CAMK2D: variants seen among roughly 807,000 people sequenced by gnomAD.
The protein encoded by CAMK2D is calcium/calmodulin-dependent protein kinase type II subunit delta.
A neutral mutation model predicts 84.0 loss-of-function variants in CAMK2D; 37 were observed. The observed-to-expected ratio is 0.44, with a 90% CI of 0.34 to 0.58. The LOEUF (loss-of-function observed/expected upper bound fraction) is 0.58, where lower values mean the gene tolerates loss of function less well. Among genes scored for constraint, CAMK2D ranks in the 20% least tolerant of loss-of-function variants. The pLI is 0.02. For synonymous variants in CAMK2D, 202 were observed against 212.5 expected (o/e 0.95, Z 0.43); for missense variants, 448 against 652.5 (o/e 0.69, Z 3.41).
intron 3 of CAMK2D, among the ~76,000 whole-genome samples, chr4:113,661,212 C>CA (rs2099230337): frequency 6.6e-6 from 1 of 152,028 alleles, no homozygotes; most frequent in Non-Finnish European, 1.5e-5. Context: ...TATAACTTTT[C>CA]AAAAAATTGT....
chr4:113,474,431 C>A (rs185123558), intron 16 of CAMK2D, among the ~76,000 whole-genome samples: 27 of 148,032 alleles, frequency 1.8e-4, no homozygotes, highest in Admixed American at 4.1e-4. Context: ...AAAATTCAGA[C>A]GTGGAAAAGA....
chr4:113,634,446 G>C (rs1031255472), intron 3 of CAMK2D, among the ~76,000 whole-genome samples: 2 of 152,098 alleles, frequency 1.3e-5, no homozygotes, highest in African/African-American at 4.8e-5. Flanking sequence ...TATTTCTTTG[G>C]TAGGGAGAGA....
In CAMK2D at chr4:113,548,053, C is replaced by G. The variant is rs535147690; in HGVS notation, c.342-337G>C. On this transcript the variant is annotated intron_variant, in intron 5 of 20. Transcript: ENST00000511664. Reference sequence around the variant, plus strand: ...TCTTTATAGCTGTGGTGTTCCGCCTCCACCCCGTCACATAAATTGTTTCCC... The same window carrying G: ...TCTTTATAGCTGTGGTGTTCCGCCTGCACCCCGTCACATAAATTGTTTCCC... Among the ~76,000 whole-genome samples the G allele has an allele frequency of 2.0e-5, 3 of 152,282 alleles. No homozygotes were observed. In the East Asian group the frequency reaches 5.8e-4, roughly 29 times the overall value.
At chr4:113,521,229 T>G (rs2098354413) in intron 8 of CAMK2D, among the ~76,000 whole-genome samples, 1 of 152,224 alleles carries the variant, frequency 6.6e-6, no homozygotes, top group Non-Finnish European at 1.5e-5. Flanking sequence ...GGACTTCTGT[T>G]GAATTTTGAT....
At chr4:113,530,753 CTTGA>C (rs1472871457) in intron 8 of CAMK2D, among the ~76,000 whole-genome samples, 6 of 152,114 alleles carry the variant, frequency 3.9e-5, no homozygotes, top group African/African-American at 1.4e-4. Flanking sequence ...CTCCTGGCAC[CTTGA>C]TTTTGAATTT....
intron 3 of CAMK2D, among the ~76,000 whole-genome samples, chr4:113,626,719 A>G (rs957390961): frequency 2.6e-5 from 4 of 152,194 alleles, no homozygotes; most frequent in Non-Finnish European, 5.9e-5. Context: ...GCAGGCAAAT[A>G]GAAGGGTTCA....
intron 16 of CAMK2D, among the ~76,000 whole-genome samples, chr4:113,468,927 GC>G (rs1469489055): frequency 6.6e-6 from 1 of 152,194 alleles, no homozygotes; most frequent in Non-Finnish European, 1.5e-5. Context: ...AAGTGCTCAA[GC>G]CTATACTCAT....
chr4:113,728,018 T>C (rs1465356782), intron 2 of CAMK2D, among the ~76,000 whole-genome samples: 1 of 152,122 alleles, frequency 6.6e-6, no homozygotes, highest in Non-Finnish European at 1.5e-5. Flanking sequence ...TACCAAATGC[T>C]GGTATGATAT....
chr4:113,601,490 A>G (rs1410472076), intron 4 of CAMK2D, among the ~76,000 whole-genome samples: 1 of 151,962 alleles, frequency 6.6e-6, no homozygotes, highest in Non-Finnish European at 1.5e-5. Context: ...TTTTTCCCAC[A>G]TGAGACATAC....
chr4:113,625,853 T>C (rs1314773064), intron 3 of CAMK2D, among the ~76,000 whole-genome samples: 2 of 151,380 alleles, frequency 1.3e-5, no homozygotes, highest in Non-Finnish European at 1.5e-5. Context: ...GAAGCAAAGG[T>C]AGAAACACAG....
At chr4:113,527,852 G>T (rs555174578) in intron 8 of CAMK2D, among the ~76,000 whole-genome samples, 7 of 152,150 alleles carry the variant, frequency 4.6e-5, no homozygotes, top group Admixed American at 4.6e-4. Context: ...ATTAAATAGA[G>T]CTAACTCACC....
intron 2 of CAMK2D, among the ~76,000 whole-genome samples, chr4:113,757,313 T>C (rs2099630647): frequency 6.6e-6 from 1 of 152,148 alleles, no homozygotes; most frequent in Admixed American, 6.5e-5. Context: ...TGCTGTTCTA[T>C]GCTATGTTAA....
At chr4:113,697,441 A>T (rs1489989400) in intron 2 of CAMK2D, among the ~76,000 whole-genome samples, 1 of 152,108 alleles carries the variant, frequency 6.6e-6, no homozygotes, top group Non-Finnish European at 1.5e-5. Flanking sequence ...CAGGAGTTTG[A>T]ATTTGAATGT....
At chr4:113,589,109 G>C (rs975755419) in intron 4 of CAMK2D, among the ~76,000 whole-genome samples, 5 of 152,162 alleles carry the variant, frequency 3.3e-5, no homozygotes, top group Non-Finnish European at 7.4e-5. Context: ...CTGTGAGGTA[G>C]GCAGTGTGGC....
chr4:113,462,290 GTGTGTC>G (rs1366507230), intron 17 of CAMK2D, among the ~76,000 whole-genome samples: 54 of 91,686 alleles, frequency 5.9e-4, no homozygotes, highest in South Asian at 1.2e-3. Context: ...GTGTGTGTGT[GTGTGTC>G]TGTCTGTCTG....
intron 4 of CAMK2D, among the ~76,000 whole-genome samples, chr4:113,557,563 A>T (rs1249811950): frequency 1.3e-5 from 2 of 152,194 alleles, no homozygotes; most frequent in Non-Finnish European, 2.9e-5. Context: ...GTGAGGTGAC[A>T]GTCATTTATA....
Position 113,457,325 on chromosome 4 carries a change from A to G in CAMK2D, c.1535+10T>C. On this transcript the variant is annotated intron_variant, in intron 19 of 20. Coordinates refer to ENST00000511664, the MANE Select transcript of CAMK2D (RefSeq NM_001321571.2). ...ATTAACAAAGAAGCTGACAGCCTGG[A>G]AATATTTACTTGATGGGTACTGTTG... is the stretch of plus-strand genomic sequence containing the variant. 1 of 1,613,448 alleles carries G rather than the reference A, an allele frequency of 6.2e-7. No homozygotes were observed. The highest frequency in any genetic ancestry group is 2.2e-5 in the East Asian group (1 of 44,840).
At chr4:113,595,440 TTGTGTGTGTGTGTG>T (rs71582188) in intron 4 of CAMK2D, among the ~76,000 whole-genome samples, 2 of 143,396 alleles carry the variant, frequency 1.4e-5, no homozygotes, top group Admixed American at 7.7e-5. Flanking sequence ...TTATGTATGC[TTGTGTGTGTGTGTG>T]TGTGTGTGTG....
chr4:113,754,244 A>C, intron 2 of CAMK2D: 7 of 976,618 alleles, frequency 7.2e-6, no homozygotes, highest in Non-Finnish European at 6.1e-6. Context: ...CACTGCATAC[A>C]TTACACCCTA....
Sources: gnomAD v4.1 joint callset for allele counts (sites outside exome capture counted in the v4.1 genomes callset) on GRCh38, gnomAD v4.1.1 for gene constraint, MANE v1.5 for transcripts, NCBI Gene and HGNC (gene_info 2026-07-23, HGNC 2026-07-21) for gene names.